Variants in ATP8B2 observed in about 807,000 individuals in gnomAD.
ATP8B2 encodes the protein ATPase phospholipid transporting 8B2.
ATP8B2 carries 70 observed loss-of-function variants against 133.4 expected under a neutral mutation model. The ratio of observed to expected loss-of-function variants is 0.52; its 90% CI spans 0.43 to 0.64. The LOEUF (loss-of-function observed/expected upper bound fraction) is 0.64. ATP8B2 is among the 30% of genes least tolerant of loss of function. The pLI is 0.00. For missense variants in ATP8B2, 1,101 were observed against 1,535.7 expected, an observed-to-expected ratio of 0.72 and a Z score of 4.73; for synonymous variants, 517 against 589.5, an observed-to-expected ratio of 0.88 and a Z score of 1.78.
At position 154,328,299 on chromosome 1, in the gene ATP8B2, C is replaced by G. The variant is rs1035411277; in HGVS notation, c.31+127C>G. ...GAGGGTAGCTTACAGCAGCCCCTAC[C>G]CAGCTTGGGGGCAGCCTAGGAAACC... On this transcript the variant is annotated intron_variant, in intron 2 of 27. Coordinates refer to ENST00000368489, the MANE Select transcript of ATP8B2 (RefSeq NM_001370597.1). The surrounding 1 kb of genome is among the most constrained non-coding windows in gnomAD (Gnocchi z 4.6). 3.8e-6 allele frequency: 4 copies of G among 1,041,360 alleles called. No homozygotes were observed. Among genetic ancestry groups the G allele is most frequent in the Non-Finnish European group, 5.9e-6 (4 of 675,640 alleles). 64.5% of individuals were successfully genotyped at this position (1,041,360 alleles called of 1,614,324 possible).
At chr1:154,327,823 C>T in intron 1 of ATP8B2, 9 of 1,613,912 alleles carry the variant, frequency 5.6e-6, no homozygotes, top group Non-Finnish European at 5.1e-6. Flanking sequence ...GAGCTGTTCC[C>T]CTTTTTTCAA....
chr1:154,330,483 C>G (rs373621889), intron 3 of ATP8B2, 29 bp downstream of exon 3: 2 of 1,610,036 alleles, frequency 1.2e-6, no homozygotes, highest in African/African-American at 1.3e-5. Context: ...CCTGTTCCCT[C>G]TCTCTGTTTG....
intron 2 of ATP8B2, chr1:154,329,116 A>C: frequency 8.2e-7 from 1 of 1,216,784 alleles, no homozygotes; most frequent in East Asian, 7.7e-5. Context: ...CGCACCCATT[A>C]TTTCCCCCCT....
intron 1 of ATP8B2, among the ~76,000 whole-genome samples, chr1:154,326,775 C>T (rs1685806491): frequency 6.6e-6 from 1 of 152,180 alleles, no homozygotes. Context: ...GTTTCTTGAT[C>T]CCTTCCTCCC....
rs768320622 is a variant in ATP8B2 at position 154,337,707 on chromosome 1, C to G, written c.1034+163C>G. ...TGTTTATCTTTGTGGGCAGAGCAAA[C>G]TTTTTACCACAGTTTCCTGGTACTT... On this transcript the variant is annotated intron_variant, in intron 12 of 27. Transcript: ENST00000368489. 7.7e-6 allele frequency: 12 copies of G among 1,552,536 alleles called. No homozygotes were observed. In the South Asian group the frequency reaches 1.5e-4, roughly 20 times the overall value.
chr1:154,334,678 T>A lies in ATP8B2; in HGVS notation c.837+87T>A. On this transcript the variant is annotated intron_variant, in intron 11 of 27. Transcript: ENST00000368489. This position sits in a 1 kb window ranked among gnomAD's most constrained non-coding sequence, Gnocchi z 4.6. ...CCTTTCCTCTTTCTTCTTTGGTCAGTAGACTTCAGGTTTGGCTTTAAAGCT... is the reference window on the plus strand; with the variant it reads ...CCTTTCCTCTTTCTTCTTTGGTCAGAAGACTTCAGGTTTGGCTTTAAAGCT... The A allele has an allele frequency of 1.7e-6, 2 of 1,197,414 alleles. No individual in the cohort carries two copies. The highest frequency in any genetic ancestry group is 2.4e-6 in the Non-Finnish European group (2 of 831,372). 74.2% of individuals were successfully genotyped at this position (1,197,414 alleles called of 1,614,324 possible).
rs1686746828 is a variant in ATP8B2, at chr1:154,350,441, T to A, written c.*1323T>A. On this transcript the variant is annotated 3_prime_UTR_variant, in exon 28 of 28. Transcript: ENST00000368489. ...TGGCAGACTCCCTTTTGACCTCCCTTTGCCTCCCCATCTGGTGCTTTCTTG... is the reference window on the plus strand; with the variant it reads ...TGGCAGACTCCCTTTTGACCTCCCTATGCCTCCCCATCTGGTGCTTTCTTG... The A allele has an allele frequency of 6.6e-6, 1 of 152,222 alleles. No individual in the cohort carries two copies. The highest frequency in any genetic ancestry group is 6.5e-5 in the Admixed American group (1 of 15,276). 9.4% of individuals were successfully genotyped at this position (152,222 alleles called of 1,614,324 possible).
At chr1:154,330,477 T>C (rs1685945493) in intron 3 of ATP8B2, 23 bp downstream of exon 3, 1 of 1,610,944 alleles carries the variant, frequency 6.2e-7, no homozygotes, top group African/African-American at 1.3e-5. Flanking sequence ...AGACCACCTG[T>C]TCCCTCTCTC....
chr1:154,344,518 G>C lies in ATP8B2; in HGVS notation c.2141+18G>C, dbSNP rs767004013. 3 of 1,613,988 alleles carry C rather than the reference G, an allele frequency of 1.9e-6. No individual in the cohort carries two copies. In the Admixed American group the frequency reaches 5.0e-5, roughly 27 times the overall value. On this transcript the variant is annotated intron_variant, in intron 20 of 27. Coordinates refer to ENST00000368489, the MANE Select transcript of ATP8B2 (RefSeq NM_001370597.1). The surrounding 1 kb of genome is among the most constrained non-coding windows in gnomAD (Gnocchi z 4.1). Reference sequence around the variant, plus strand: ...GAGCTCAGGTAAACAAGAAGCCCAGGGGAGGCGGTGCTGTGCGTTGTGCCC... The same window carrying C: ...GAGCTCAGGTAAACAAGAAGCCCAGCGGAGGCGGTGCTGTGCGTTGTGCCC...
chr1:154,327,110 T>C (rs576282311), intron 1 of ATP8B2, among the ~76,000 whole-genome samples: 1 of 152,310 alleles, frequency 6.6e-6, no homozygotes, highest in South Asian at 2.1e-4. Context: ...TCTGTAATTA[T>C]AGAGCTTAGC....
chr1:154,329,096 G>A (rs1476998190), intron 2 of ATP8B2: 1 of 1,282,450 alleles, frequency 7.8e-7, no homozygotes, highest in East Asian at 6.1e-5. Context: ...GCAGCGCCTG[G>A]CAGCTCTCCC....
chr1:154,337,688 T>C (rs1309852930), intron 12 of ATP8B2, 144 bp downstream of exon 12: 1 of 1,580,444 alleles, frequency 6.3e-7, no homozygotes, highest in East Asian at 2.2e-5. Flanking sequence ...TATCTGTTTA[T>C]CTTTGTGGGC....
Position 154,344,749 on chromosome 1 carries a change from T to C in ATP8B2, c.2250T>C (p.Ala750=). The C allele has an allele frequency of 6.2e-7, 1 of 1,608,900 alleles. No homozygotes were observed. Among genetic ancestry groups the C allele is most frequent in the Non-Finnish European group, 8.5e-7 (1 of 1,175,624 alleles). The part of the protein sequence containing the change: ...SKLTSVLEAV[A]GEYALVINGH... ...TAACTTCTGTCCTGGAGGCCGTTGC[T>C]GGGGAGTACGCCCTGGTCATAAATG... The change falls in exon 21 of 28, where the codon GCT becomes GCC. Residue 750 remains alanine (A), a synonymous_variant. Coordinates refer to ENST00000368489, the MANE Select transcript of ATP8B2 (RefSeq NM_001370597.1). The surrounding 1 kb of genome is among the most constrained non-coding windows in gnomAD (Gnocchi z 4.1).
At chr1:154,330,523 C>G in intron 3 of ATP8B2, 69 bp downstream of exon 3, 11 of 1,532,536 alleles carry the variant, frequency 7.2e-6, no homozygotes, top group Admixed American at 1.7e-5. Flanking sequence ...GACAACCTAC[C>G]GTTGGGACTG....
chr1:154,337,781 A>G (rs1686241638), intron 12 of ATP8B2: 4 of 1,432,208 alleles, frequency 2.8e-6, no homozygotes, highest in Non-Finnish European at 3.7e-6. Flanking sequence ...GCACCTATTT[A>G]TTACATGCCT....
chr1:154,333,119 G>C (rs1053062475), intron 9 of ATP8B2, among the ~76,000 whole-genome samples: 5 of 152,248 alleles, frequency 3.3e-5, no homozygotes, highest in African/African-American at 1.2e-4. Flanking sequence ...AGACCAGTCT[G>C]GTCAACATGG....
chr1:154,329,106 C>T (rs1174306430), intron 2 of ATP8B2: 6 of 1,244,384 alleles, frequency 4.8e-6, no homozygotes, highest in African/African-American at 3.2e-5. Context: ...GCAGCTCTCC[C>T]GCACCCATTA....
chr1:154,346,661 C>T lies in ATP8B2; in HGVS notation c.3066C>T (p.Phe1022=), dbSNP rs1257405690. The T allele has an allele frequency of 3.7e-6, 6 of 1,614,112 alleles. No homozygotes were observed. Among genetic ancestry groups the T allele is most frequent in the Non-Finnish European group, 5.1e-6 (6 of 1,180,054 alleles). ...DTGYWTAINH[F]FIWGSLAVYF... ...GCTACTGGACGGCCATCAACCACTT[C>T]TTCATCTGGGGAAGCCTTGCTGTTT... The change falls in exon 26 of 28, where the codon TTC becomes TTT. Residue 1022 remains phenylalanine (F), a synonymous_variant. Transcript: ENST00000368489. The surrounding 1 kb of genome is among the most constrained non-coding windows in gnomAD (Gnocchi z 4.5).
At position 154,331,554 on chromosome 1, in the gene ATP8B2, A is replaced by AG; in HGVS notation, c.366-50dup. The AG allele has an allele frequency of 6.2e-7, 1 of 1,613,266 alleles. No homozygotes were observed. The highest frequency in any genetic ancestry group is 8.5e-7 in the Non-Finnish European group (1 of 1,179,134). Reference sequence around the variant, plus strand: ...GCTCTGGGGACGAAGGGGGTCCCTTAGGAACCTCTTTAGCTCCTGACAGCC... The same window carrying AG: ...GCTCTGGGGACGAAGGGGGTCCCTTAGGGAACCTCTTTAGCTCCTGACAGCC... On this transcript the variant is annotated intron_variant, in intron 6 of 27. Transcript: ENST00000368489. This position sits in a 1 kb window ranked among gnomAD's most constrained non-coding sequence, Gnocchi z 4.8.
Sources: gnomAD v4.1 joint callset for allele counts (sites outside exome capture counted in the v4.1 genomes callset) on GRCh38, gnomAD v4.1.1 for gene constraint, Gnocchi (gnomAD v3.1) non-coding constraint, MANE v1.5 for transcripts, NCBI Gene and HGNC (gene_info 2026-07-23, HGNC 2026-07-21) for gene names.